The following PCDH15 variants were observed in gnomAD, a reference collection of about 807,000 sequenced individuals.
PCDH15 encodes protocadherin-15.
A neutral mutation model predicts 178.5 loss-of-function variants in PCDH15; 129 were observed. That is an observed-to-expected ratio of 0.72 (90% CI 0.63 to 0.84). PCDH15 has a LOEUF of 0.84. Among genes scored for constraint, PCDH15 ranks in the 40% least tolerant of loss-of-function variants. PCDH15 has a pLI of 0.00. For missense variants in PCDH15, 2,230 were observed against 2,099.9 expected (o/e 1.06, Z -1.21); for synonymous variants, 800 against 732.0 (o/e 1.09, Z -1.50).
At chr10:54,057,928 AGC>A (rs1415472101) in intron 18 of PCDH15, among the ~76,000 whole-genome samples, 1 of 152,198 alleles carries the variant, frequency 6.6e-6, no homozygotes, top group African/African-American at 2.4e-5. Flanking sequence ...TCTCTTGCAT[AGC>A]AAGAGTGACC....
intron 2 of PCDH15, among the ~76,000 whole-genome samples, chr10:55,488,248 T>C (rs564217973): frequency 6.6e-6 from 1 of 151,786 alleles, no homozygotes; most frequent in East Asian, 1.9e-4. Flanking sequence ...ACATTTTAAT[T>C]ATTTTGGCTA....
At chr10:55,451,756 C>T (rs1390946558) in intron 2 of PCDH15, among the ~76,000 whole-genome samples, 1 of 152,110 alleles carries the variant, frequency 6.6e-6, no homozygotes, top group Non-Finnish European at 1.5e-5. Flanking sequence ...GAGTTGACAT[C>T]TATATTAAGT....
At chr10:55,281,969 C>T (rs891763125) in intron 1 of PCDH15, among the ~76,000 whole-genome samples, 4 of 152,086 alleles carry the variant, frequency 2.6e-5, no homozygotes, top group Admixed American at 1.3e-4. Flanking sequence ...TCTAAATTAC[C>T]ATTATATCTG....
At chr10:53,866,001 C>A (rs1338142042) in intron 27 of PCDH15, among the ~76,000 whole-genome samples, 1 of 152,118 alleles carries the variant, frequency 6.6e-6, no homozygotes, top group Non-Finnish European at 1.5e-5. Flanking sequence ...ATTTTCAATA[C>A]AAGCTAATAT....
intron 3 of PCDH15, among the ~76,000 whole-genome samples, chr10:54,449,033 C>G (rs2076309999): frequency 6.6e-6 from 1 of 151,646 alleles, no homozygotes; most frequent in African/African-American, 2.4e-5. Flanking sequence ...TTCCCCATAT[C>G]TAGGCAAGCA....
intron 5 of PCDH15, among the ~76,000 whole-genome samples, chr10:54,347,869 G>A (rs1943556815): frequency 7.0e-6 from 1 of 143,396 alleles, no homozygotes; most frequent in African/African-American, 3.0e-5. Context: ...TTATTTTTGA[G>A]ATGGAGTCTC....
intron 36 of PCDH15, among the ~76,000 whole-genome samples, chr10:53,811,245 T>C (rs1347966897): frequency 6.6e-6 from 1 of 152,186 alleles, no homozygotes; most frequent in East Asian, 1.9e-4. Context: ...AAAGAAATGG[T>C]GAATTTAGGA....
intron 2 of PCDH15, among the ~76,000 whole-genome samples, chr10:55,096,284 C>A (rs538676003): frequency 1.3e-5 from 2 of 152,104 alleles, no homozygotes; most frequent in Non-Finnish European, 1.5e-5. Flanking sequence ...TAGACATTAA[C>A]TCAATTGGTC....
chr10:54,713,422 T>A (rs1038910317), intron 1 of PCDH15, among the ~76,000 whole-genome samples: 13 of 152,090 alleles, frequency 8.5e-5, no homozygotes, highest in Non-Finnish European at 1.8e-4. Flanking sequence ...GAGAACAATA[T>A]TCTACCTTTC....
At chr10:54,071,835 G>A (rs2094248772) in intron 17 of PCDH15, among the ~76,000 whole-genome samples, 1 of 151,896 alleles carries the variant, frequency 6.6e-6, no homozygotes, top group Admixed American at 6.6e-5. Flanking sequence ...AATTTCAAAG[G>A]TGCAATTTCT....
At chr10:54,512,150 C>T (rs1251588613) in intron 3 of PCDH15, among the ~76,000 whole-genome samples, 2 of 151,966 alleles carry the variant, frequency 1.3e-5, no homozygotes, top group African/African-American at 4.8e-5. Context: ...TCTTTCTGTC[C>T]ACCAAGATGT....
At chr10:54,865,473 G>A (rs777474427) in intron 3 of PCDH15, among the ~76,000 whole-genome samples, 4 of 152,240 alleles carry the variant, frequency 2.6e-5, no homozygotes, top group Non-Finnish European at 4.4e-5. Flanking sequence ...TTGCTCCTCA[G>A]CTTGCAGATG....
At chr10:54,282,223 G>A (rs1187534219) in intron 8 of PCDH15, among the ~76,000 whole-genome samples, 3 of 152,032 alleles carry the variant, frequency 2.0e-5, no homozygotes, top group Non-Finnish European at 2.9e-5. Flanking sequence ...CAGGTCTACC[G>A]AATCAGAAAC....
chr10:55,045,699 T>C (rs544821896), intron 2 of PCDH15, among the ~76,000 whole-genome samples: 1 of 152,190 alleles, frequency 6.6e-6, no homozygotes, highest in East Asian at 1.9e-4. Context: ...ATGTGGCACA[T>C]ACAAATGAAA....
At chr10:55,538,446 CTTCCTTCT>C (rs1841644278) in intron 2 of PCDH15, among the ~76,000 whole-genome samples, 2 of 143,696 alleles carry the variant, frequency 1.4e-5, no homozygotes, top group Admixed American at 6.8e-5. Flanking sequence ...TCCTCCCTTC[CTTCCTTCT>C]TTCCTTCCTT....
chr10:55,076,470 G>C (rs1841890763), intron 2 of PCDH15, among the ~76,000 whole-genome samples: 1 of 148,050 alleles, frequency 6.8e-6, no homozygotes, highest in Non-Finnish European at 1.5e-5. Context: ...TTTTTTTTTG[G>C]AGACAGTGTC....
chr10:54,138,128 TTTTTA>T (rs2043055694), intron 14 of PCDH15, among the ~76,000 whole-genome samples: 1 of 152,054 alleles, frequency 6.6e-6, no homozygotes, highest in Non-Finnish European at 1.5e-5. Flanking sequence ...TTTAAAGAAA[TTTTTA>T]TTTGTCAGTT....
intron 37 of PCDH15, among the ~76,000 whole-genome samples, chr10:53,810,208 G>A (rs974003334): frequency 6.6e-6 from 1 of 152,014 alleles, no homozygotes; most frequent in African/African-American, 2.4e-5. Flanking sequence ...TTTTAGTTTT[G>A]CTAGATAATG....
chr10:54,650,312 T>A (rs1275752168), intron 2 of PCDH15, among the ~76,000 whole-genome samples: 1 of 152,084 alleles, frequency 6.6e-6, no homozygotes, highest in Non-Finnish European at 1.5e-5. Flanking sequence ...TGAACCACAA[T>A]GAGAAAGCAA....
Sources: allele counts gnomAD v4.1 joint callset (sites outside exome capture counted in the v4.1 genomes callset), GRCh38; gene constraint gnomAD v4.1.1; transcripts MANE v1.5; gene names NCBI Gene and HGNC (gene_info 2026-07-23, HGNC 2026-07-21).